Variants in SLC9C2 observed in about 807,000 individuals in gnomAD.
SLC9C2 encodes the protein sodium/hydrogen exchanger 11.
In SLC9C2, 75 loss-of-function variants were observed where a neutral mutation model predicts 140.2. That is an observed-to-expected ratio of 0.53 (90% CI 0.44 to 0.65). SLC9C2 has a LOEUF of 0.65. Ranked by LOEUF, SLC9C2 falls within the 30% of genes least tolerant of loss-of-function variation. The pLI is 0.00. For synonymous variants in SLC9C2, 375 were observed against 420.9 expected (o/e 0.89, Z 1.34); for missense variants, 1,074 against 1,331.8 (o/e 0.81, Z 3.01).
intron 5 of SLC9C2, among the ~76,000 whole-genome samples, chr1:173,584,009 C>A (rs1398005445): frequency 5.3e-5 from 8 of 152,032 alleles, no homozygotes; most frequent in Non-Finnish European, 1.2e-4. Context: ...GGTATATACC[C>A]AAGGTAATTG....
intron 22 of SLC9C2, among the ~76,000 whole-genome samples, chr1:173,521,056 G>GA (rs1660773179): frequency 6.6e-6 from 1 of 152,068 alleles, no homozygotes; most frequent in African/African-American, 2.4e-5. Flanking sequence ...TGAACATTCT[G>GA]AAAAATCCTG....
chr1:173,503,172 C>T (rs1207502410), intron 27 of SLC9C2, 94 bp downstream of exon 27: 2 of 948,664 alleles, frequency 2.1e-6, no homozygotes, highest in Admixed American at 4.7e-5. Flanking sequence ...TTTCTCACCA[C>T]CTACAATTTG....
In SLC9C2 at chr1:173,576,773, A is replaced by G; in HGVS notation, c.803-13T>C. 6.5e-7 allele frequency: 1 copy of G among 1,532,242 alleles called. No homozygotes were observed. The highest frequency in any genetic ancestry group is 1.4e-5 in the African/African-American group (1 of 72,122). 94.9% of individuals were successfully genotyped at this position (1,532,242 alleles called of 1,614,324 possible). A position where few individuals can be genotyped will look rare whatever the true frequency, so the allele number is the denominator to read the frequency against. ...CCTAAAAATTCCACTGGGGAGAAAA[A>G]AAAAACAAATGAATCAAATGCAATG... On this transcript the variant is annotated splice_polypyrimidine_tract_variant and intron_variant, in intron 7 of 27. Coordinates refer to ENST00000367714, the MANE Select transcript of SLC9C2 (RefSeq NM_178527.4).
At chr1:173,594,091 A>AC (rs1449767267) in intron 4 of SLC9C2, among the ~76,000 whole-genome samples, 3 of 152,206 alleles carry the variant, frequency 2.0e-5, no homozygotes, top group Non-Finnish European at 2.9e-5. Flanking sequence ...CTCAAAAGCA[A>AC]CAATTAGGCT....
At chr1:173,522,810 C>T (rs1660921482) in intron 21 of SLC9C2, among the ~76,000 whole-genome samples, 1 of 152,170 alleles carries the variant, frequency 6.6e-6, no homozygotes, top group African/African-American at 2.4e-5. Flanking sequence ...TGGAACACTC[C>T]AGGCACACTT....
intron 9 of SLC9C2, among the ~76,000 whole-genome samples, chr1:173,560,428 G>A (rs1478376139): frequency 6.6e-6 from 1 of 152,220 alleles, no homozygotes; most frequent in Non-Finnish European, 1.5e-5. Context: ...TGCCTCTCAA[G>A]GGATAGCCCT....
At chr1:173,528,269 C>A (rs1371319650) in intron 18 of SLC9C2, among the ~76,000 whole-genome samples, 2 of 152,166 alleles carry the variant, frequency 1.3e-5, no homozygotes, top group African/African-American at 4.8e-5. Context: ...CCATTTAAAT[C>A]TTTACTGGTG....
rs140673636 is a variant in SLC9C2, at chr1:173,549,944, A to G, written c.1298-1392T>C. ...GAAAGGAAGCATGAGAGAAACCCAC[A>G]TATTTTATCTTAAAAAAAGAGAGTC... On this transcript the variant is annotated intron_variant, in intron 11 of 27. Transcript: ENST00000367714. Among the ~76,000 whole-genome samples the G allele has an allele frequency of 5.9e-5, 9 of 152,316 alleles. No individual in the cohort carries two copies. The East Asian group carries it at 1.7e-3, about 29-fold the overall frequency.
intron 8 of SLC9C2, among the ~76,000 whole-genome samples, chr1:173,574,699 A>G (rs942594766): frequency 6.7e-6 from 1 of 148,294 alleles, no homozygotes. Flanking sequence ...TTTAGTAGAG[A>G]CAGGGTTTCA....
At chr1:173,565,329 T>G (rs892172648) in intron 9 of SLC9C2, among the ~76,000 whole-genome samples, 6 of 152,238 alleles carry the variant, frequency 3.9e-5, no homozygotes, top group Non-Finnish European at 5.9e-5. Context: ...TGCAGTAGTT[T>G]CATAGGTTGA....
chr1:173,528,148 A>G (rs1661338215), intron 18 of SLC9C2, among the ~76,000 whole-genome samples: 1 of 152,210 alleles, frequency 6.6e-6, no homozygotes, highest in Non-Finnish European at 1.5e-5. Context: ...TAATCATGAA[A>G]GCCTGGGCAT....
chr1:173,523,836 C>G, intron 21 of SLC9C2, 133 bp downstream of exon 21: 1 of 1,208,522 alleles, frequency 8.3e-7, no homozygotes, highest in Non-Finnish European at 1.1e-6. Context: ...CTAGGCTTTC[C>G]TGGGCCTCCA....
chr1:173,592,058 G>A (rs993596402), intron 4 of SLC9C2, among the ~76,000 whole-genome samples: 2 of 152,134 alleles, frequency 1.3e-5, no homozygotes, highest in African/African-American at 4.8e-5. Context: ...ATGTAAGAAA[G>A]GGGTCCAATT....
chr1:173,538,523 G>A (rs1662137866), intron 13 of SLC9C2, among the ~76,000 whole-genome samples: 1 of 152,178 alleles, frequency 6.6e-6, no homozygotes, highest in Non-Finnish European at 1.5e-5. Context: ...ACAATCTAGT[G>A]GGGCAGGGGA....
chr1:173,559,276 T>C (rs1490044047), intron 9 of SLC9C2, among the ~76,000 whole-genome samples: 1 of 152,220 alleles, frequency 6.6e-6, no homozygotes, highest in Non-Finnish European at 1.5e-5. Context: ...TTTTCCAAGA[T>C]GCTCCCCCTG....
At position 173,542,581 on chromosome 1, in the gene SLC9C2, C is replaced by T. The variant is rs561759435; in HGVS notation, c.1557+5108G>A. Reference sequence around the variant, plus strand: ...AAAAAGAGAATTTTAGACTAATATCCCTGATGAACATCAATGCAAAAATCC... The same window carrying T: ...AAAAAGAGAATTTTAGACTAATATCTCTGATGAACATCAATGCAAAAATCC... On this transcript the variant is annotated intron_variant, in intron 13 of 27. Transcript: ENST00000367714. Among the ~76,000 whole-genome samples, 5 of 152,150 alleles carry T rather than the reference C, an allele frequency of 3.3e-5. No homozygotes were observed. In the East Asian group the frequency reaches 5.8e-4, roughly 18 times the overall value.
intron 4 of SLC9C2, 101 bp from the exon 5 acceptor site, chr1:173,587,931 T>TA: frequency 3.4e-6 from 3 of 872,308 alleles, no homozygotes; most frequent in Non-Finnish European, 5.1e-6. Flanking sequence ...GTAAATGTTA[T>TA]ACAATTACCC....
chr1:173,524,803 C>T lies in SLC9C2; in HGVS notation c.2490G>A (p.Lys830=). ...CCTTATTTATCTCAATGACTTCATGCTTATCAATAATGCCTCTTGAACAAA... is the reference window on the plus strand; with the variant it reads ...CCTTATTTATCTCAATGACTTCATGTTTATCAATAATGCCTCTTGAACAAA... The part of the protein sequence containing the change: ...TFLCSRGIID[K]HEVIEINKVL... Residue 830 remains lysine (K), a synonymous_variant, in exon 20 of 28, where the codon AAG becomes AAA. Coordinates refer to ENST00000367714, the MANE Select transcript of SLC9C2 (RefSeq NM_178527.4). The T allele has an allele frequency of 6.2e-7, 1 of 1,613,952 alleles. No individual in the cohort carries two copies. The highest frequency in any genetic ancestry group is 1.1e-5 in the South Asian group (1 of 91,066).
At chr1:173,534,705 GT>G in intron 15 of SLC9C2, 23 bp from the exon 16 acceptor site, 1 of 1,405,156 alleles carries the variant, frequency 7.1e-7, no homozygotes, top group Non-Finnish European at 9.4e-7. Flanking sequence ...CAAATAAAAT[GT>G]TAGATCACTT....
Sources: allele counts gnomAD v4.1 joint callset (sites outside exome capture counted in the v4.1 genomes callset), GRCh38; gene constraint gnomAD v4.1.1; transcripts MANE v1.5; gene names NCBI Gene and HGNC (gene_info 2026-07-23, HGNC 2026-07-21).